The following STK31 variants were observed in gnomAD, a reference collection of about 807,000 sequenced individuals.
STK31 encodes the protein serine/threonine-protein kinase 31.
A neutral mutation model predicts 129.7 loss-of-function variants in STK31; 89 were observed. That is an observed-to-expected ratio of 0.69 (90% CI 0.58 to 0.82). The LOEUF (loss-of-function observed/expected upper bound fraction) is 0.82. STK31 is among the 40% of genes least tolerant of loss of function. STK31 has a pLI of 0.00. For missense variants in STK31, 1,187 were observed against 1,176.4 expected (o/e 1.01, Z -0.13); for synonymous variants, 448 against 395.3 (o/e 1.13, Z -1.58).
In STK31 at chr7:23,735,496, A is replaced by C. The variant is rs755939729; in HGVS notation, c.484-42A>C. 6 of 1,490,246 alleles carry C rather than the reference A, an allele frequency of 4.0e-6. No homozygotes were observed. The East Asian group carries it at 1.4e-4, about 34-fold the overall frequency. 92.3% of individuals were successfully genotyped at this position (1,490,246 alleles called of 1,614,324 possible). Reference sequence around the variant, plus strand: ...GGGTAGGAACAAAATAAGGGAAGAGAAACATGTTGGTGTAGCTGGTTTATG... The same window carrying C: ...GGGTAGGAACAAAATAAGGGAAGAGCAACATGTTGGTGTAGCTGGTTTATG... On this transcript the variant is annotated intron_variant, in intron 6 of 23. Coordinates refer to ENST00000355870, the MANE Select transcript of STK31 (RefSeq NM_031414.5).
At chr7:23,728,920 T>A (rs1038692855) in intron 5 of STK31, among the ~76,000 whole-genome samples, 171 bp from the exon 6 acceptor site, 5 of 152,206 alleles carry the variant, frequency 3.3e-5, no homozygotes, top group Non-Finnish European at 7.4e-5. Flanking sequence ...ACTGTGGATT[T>A]TTTTTTTATT....
At chr7:23,768,166 T>C (rs1316088825) in intron 11 of STK31, among the ~76,000 whole-genome samples, 1 of 152,212 alleles carries the variant, frequency 6.6e-6, no homozygotes, top group Middle Eastern at 3.2e-3. Flanking sequence ...CATAAAATTA[T>C]AGTACTTAAC....
chr7:23,740,496 T>C (rs1360449041), intron 8 of STK31, among the ~76,000 whole-genome samples: 1 of 152,216 alleles, frequency 6.6e-6, no homozygotes, highest in East Asian at 1.9e-4. Context: ...ATTTCTTTTT[T>C]TTGTTTTTAT....
chr7:23,724,365 T>C (rs1057133352), intron 4 of STK31, among the ~76,000 whole-genome samples: 1 of 152,158 alleles, frequency 6.6e-6, no homozygotes, highest in Admixed American at 6.5e-5. Context: ...AAGGGGTCAA[T>C]TGGAGTTTGT....
chr7:23,819,123 G>T (rs1793638796), intron 23 of STK31, among the ~76,000 whole-genome samples: 1 of 152,050 alleles, frequency 6.6e-6, no homozygotes, highest in South Asian at 2.1e-4. Flanking sequence ...TAAGACTTTT[G>T]TTCCTGATCT....
At chr7:23,728,223 G>GT (rs796447433) in intron 5 of STK31, among the ~76,000 whole-genome samples, 233 of 151,396 alleles carry the variant, frequency 1.5e-3, no homozygotes, top group African/African-American at 5.2e-3. Context: ...TTCCTTTGGT[G>GT]TTTTTTCTAC....
Position 23,771,029 on chromosome 7 carries a change from A to G in STK31, c.1738A>G (p.Ile580Val). The G allele has an allele frequency of 1.2e-6, 2 of 1,612,156 alleles. No homozygotes were observed. The highest frequency in any genetic ancestry group is 1.7e-6 in the Non-Finnish European group (2 of 1,179,068). ...GGATCAAGGTGATGCAGACAAGGAG[A>G]TAATTTCAAATACATATAGTCAAGT... ...LVDQGDADKE[I>V]ISNTYSQVLQ... The change falls in exon 14 of 24, where the codon ATA becomes GTA. Residue 580 changes from isoleucine (I) to valine (V), a missense_variant. Coordinates refer to ENST00000355870, the MANE Select transcript of STK31 (RefSeq NM_031414.5).
chr7:23,831,554 A>C (rs1014052047), intron 23 of STK31, among the ~76,000 whole-genome samples: 1 of 152,188 alleles, frequency 6.6e-6, no homozygotes, highest in African/African-American at 2.4e-5. Context: ...GGAAAGTTTA[A>C]CTGGTTTACA....
intron 15 of STK31, among the ~76,000 whole-genome samples, chr7:23,780,558 A>G (rs1790860566): frequency 6.6e-6 from 1 of 152,218 alleles, no homozygotes; most frequent in Admixed American, 6.5e-5. Context: ...CCTTTCAGCA[A>G]ATACACTATT....
At chr7:23,757,402 C>G (rs1789158793) in intron 10 of STK31, among the ~76,000 whole-genome samples, 1 of 152,124 alleles carries the variant, frequency 6.6e-6, no homozygotes, top group African/African-American at 2.4e-5. Context: ...TGATCATTAT[C>G]TCTACCATCT....
chr7:23,832,331 A>G lies in STK31; in HGVS notation c.3025A>G (p.Lys1009Glu). 6.2e-7 allele frequency: 1 copy of G among 1,612,676 alleles called. No homozygotes were observed. Among genetic ancestry groups the G allele is most frequent in the East Asian group, 2.2e-5 (1 of 44,856 alleles). ...KTENLDKCME[K>E]TRNGEANFDC Reference sequence around the variant, plus strand: ...GGAGAACTTGGATAAATGTATGGAGAAGACAAGAAATGGTGAAGCCAACTT... The same window carrying G: ...GGAGAACTTGGATAAATGTATGGAGGAGACAAGAAATGGTGAAGCCAACTT... The change falls in exon 24 of 24, where the codon AAG (lysine) becomes GAG (glutamate). Residue 1009 changes from lysine to glutamate, a missense_variant. Around this residue, in one of 5 missense-constraint regions of STK31, gnomAD observed 975 missense variants for 934.9 expected, o/e 1.04. Coordinates refer to ENST00000355870, the MANE Select transcript of STK31 (RefSeq NM_031414.5).
intron 22 of STK31, among the ~76,000 whole-genome samples, chr7:23,798,522 CA>C (rs376477219): frequency 0.46 from 59,110 of 128,010 alleles, 15,399 homozygotes; most frequent in Admixed American, 0.53. Context: ...TCAATAGATG[CA>C]AGAAAAAGCC....
intron 11 of STK31, among the ~76,000 whole-genome samples, chr7:23,765,879 C>T (rs1201948138): frequency 1.3e-5 from 2 of 152,046 alleles, no homozygotes; most frequent in Non-Finnish European, 2.9e-5. Context: ...TTCTTATCTG[C>T]CTTTGGTGTC....
At chr7:23,754,574 A>C in intron 10 of STK31, 100 bp downstream of exon 10, 8 of 1,318,670 alleles carry the variant, frequency 6.1e-6, no homozygotes, top group Non-Finnish European at 8.3e-6. Context: ...ACATGTGCAG[A>C]ATGTGCAGAT....
In STK31 at chr7:23,752,816, A is replaced by G; in HGVS notation, c.1117A>G (p.Ile373Val). The G allele has an allele frequency of 1.2e-6, 2 of 1,607,272 alleles. No individual in the cohort carries two copies. The highest frequency in any genetic ancestry group is 1.1e-5 in the South Asian group (1 of 90,496). ...GAAAAATCTGGCAGCTAAGATGGAAATACTGAAAGAAATGAGGTAGGTAAA... is the reference window on the plus strand; with the variant it reads ...GAAAAATCTGGCAGCTAAGATGGAAGTACTGAAAGAAATGAGGTAGGTAAA... ...RMKNLAAKME[I>V]LKEMRHVDIS... Residue 373 changes from isoleucine (I) to valine (V), a missense_variant, in exon 9 of 24, where the codon ATA (isoleucine) becomes GTA (valine). By Grantham distance (29) the Ile-to-Val change is conservative (BLOSUM62 3). Around this residue, in one of 5 missense-constraint regions of STK31, gnomAD observed 975 missense variants for 934.9 expected, o/e 1.04. Transcript: ENST00000355870.
At chr7:23,710,084 G>C (rs1785822552), upstream of STK31, 1 of 832,174 alleles carries the variant, frequency 1.2e-6, no homozygotes, top group East Asian at 2.7e-5. Flanking sequence ...CTCAGTGCCT[G>C]GGGGTCGGCA....
chr7:23,754,567 T>C lies in STK31; in HGVS notation c.1293+93T>C, dbSNP rs1788936861. 2.8e-5 allele frequency: 37 copies of C among 1,309,156 alleles called. No individual in the cohort carries two copies. In the East Asian group the frequency reaches 4.7e-4, roughly 17 times the overall value. 81.1% of individuals were successfully genotyped at this position (1,309,156 alleles called of 1,614,324 possible). ...CTTCTAAAAAAAATAACAGGATACA[T>C]GTGCAGAATGTGCAGATTTGTTACA... On this transcript the variant is annotated intron_variant, in intron 10 of 23. Coordinates refer to ENST00000355870, the MANE Select transcript of STK31 (RefSeq NM_031414.5).
intron 8 of STK31, among the ~76,000 whole-genome samples, chr7:23,743,718 A>G (rs1183584880): frequency 2.0e-5 from 3 of 152,104 alleles, no homozygotes. Flanking sequence ...ATTAAATATA[A>G]GAAGTTTTTG....
rs1192410159 is a variant in STK31 at position 23,762,918 on chromosome 7, T to G, written c.1411T>G (p.Leu471Val). ...ESSLNKRLKTLQDLSVSLEAV... is the reference protein window; with the variant it reads ...ESSLNKRLKTVQDLSVSLEAV... ...ATCTCTTAATAAACGCTTAAAAACA[T>G]TGCAGGTTGGAATTAAAAATATATT... Residue 471 changes from leucine to valine, a missense_variant, in exon 11 of 24, where the codon TTG becomes GTG. Transcript: ENST00000355870. 6.4e-7 allele frequency: 1 copy of G among 1,565,020 alleles called. No homozygotes were observed. Among genetic ancestry groups the G allele is most frequent in the Non-Finnish European group, 8.6e-7 (1 of 1,162,340 alleles).
Sources: allele counts gnomAD v4.1 joint callset (sites outside exome capture counted in the v4.1 genomes callset), GRCh38; gene constraint gnomAD v4.1.1; regional missense constraint gnomAD v4.1.1; transcripts MANE v1.5; gene names NCBI Gene and HGNC (gene_info 2026-07-23, HGNC 2026-07-21).